Variants in ADAMTS3 observed in about 807,000 individuals in gnomAD.
ADAMTS3 encodes A disintegrin and metalloproteinase with thrombospondin motifs 3.
Under a neutral mutation model 129.0 loss-of-function variants are expected in ADAMTS3, and 73 were observed. That is an observed-to-expected ratio of 0.57 (90% CI 0.47 to 0.69). The LOEUF (loss-of-function observed/expected upper bound fraction) is 0.69. ADAMTS3 is among the 30% of genes least tolerant of loss of function. The pLI is 0.00. For missense variants in ADAMTS3, 1,457 were observed against 1,514.5 expected, an observed-to-expected ratio of 0.96 and a Z score of 0.63; for synonymous variants, 477 against 510.8, an observed-to-expected ratio of 0.93 and a Z score of 0.89.
intron 3 of ADAMTS3, among the ~76,000 whole-genome samples, chr4:72,543,766 T>C (rs911283138): frequency 6.6e-6 from 1 of 152,082 alleles, no homozygotes; most frequent in East Asian, 1.9e-4. Flanking sequence ...TTTTGCAAAA[T>C]GAAAAGAATT....
chr4:72,316,023 C>G (rs1418256383), intron 10 of ADAMTS3, 52 bp from the exon 11 acceptor site: 1 of 1,111,800 alleles, frequency 9.0e-7, no homozygotes, highest in Admixed American at 2.0e-5. Context: ...GCATGACATG[C>G]ACCAAAAATA....
intron 4 of ADAMTS3, among the ~76,000 whole-genome samples, chr4:72,402,377 T>C (rs534285727): frequency 3.3e-5 from 5 of 152,342 alleles, no homozygotes; most frequent in African/African-American, 1.2e-4. Flanking sequence ...GAGCATATAC[T>C]GAGCATCTGA....
At chr4:72,326,486 C>G (rs1719702380) in intron 5 of ADAMTS3, among the ~76,000 whole-genome samples, 1 of 151,826 alleles carries the variant, frequency 6.6e-6, no homozygotes, top group Admixed American at 6.6e-5. Context: ...TATTCAAAAC[C>G]CTGGGTTCTG....
intron 12 of ADAMTS3, 99 bp downstream of exon 12, chr4:72,313,578 T>C (rs1192674543): frequency 2.4e-6 from 3 of 1,276,412 alleles, no homozygotes; most frequent in African/African-American, 3.0e-5. Context: ...TCCTGCCCTG[T>C]GTTTTACATG....
chr4:72,312,725 G>GA (rs531592348), intron 12 of ADAMTS3, among the ~76,000 whole-genome samples: 147 of 150,442 alleles, frequency 9.8e-4, no homozygotes, highest in Non-Finnish European at 1.7e-3. Context: ...AAGTGTGTAA[G>GA]AAAAAAAAAG....
intron 2 of ADAMTS3, among the ~76,000 whole-genome samples, chr4:72,554,937 T>C (rs1168991178): frequency 6.6e-6 from 1 of 151,854 alleles, no homozygotes; most frequent in Non-Finnish European, 1.5e-5. Context: ...ATTGACTTCA[T>C]AGGCTTGTTG....
At chr4:72,514,086 T>TTCTC (rs147075811) in intron 3 of ADAMTS3, among the ~76,000 whole-genome samples, 12 of 151,010 alleles carry the variant, frequency 7.9e-5, no homozygotes, top group African/African-American at 2.7e-4. Flanking sequence ...CCCCCTCTCC[T>TTCTC]TCTCTCTCTC....
At position 72,496,030 on chromosome 4, in the gene ADAMTS3, G is replaced by C. The variant is rs561607672; in HGVS notation, c.504+52448C>G. Among the ~76,000 whole-genome samples, 34 of 152,218 alleles carry C rather than the reference G, an allele frequency of 2.2e-4. No individual in the cohort carries two copies. The South Asian group carries it at 6.6e-3, about 30-fold the overall frequency. The stretch of plus-strand genomic sequence containing the variant: ...TATCAAAAATGACTATAATGGGAGA[G>C]CTTTTTTATTTTTTCCATTTAATCT... On this transcript the variant is annotated intron_variant, in intron 3 of 21. Coordinates refer to ENST00000286657, the MANE Select transcript of ADAMTS3 (RefSeq NM_014243.3).
intron 3 of ADAMTS3, among the ~76,000 whole-genome samples, chr4:72,417,975 A>G (rs1326335460): frequency 6.6e-6 from 1 of 150,804 alleles, no homozygotes; most frequent in East Asian, 1.9e-4. Context: ...ACTGTACTAA[A>G]TATACTAATA....
At chr4:72,285,370 T>C (rs760475348) in intron 21 of ADAMTS3, among the ~76,000 whole-genome samples, 3 of 152,108 alleles carry the variant, frequency 2.0e-5, no homozygotes, top group Non-Finnish European at 4.4e-5. Flanking sequence ...TATTTTCTCA[T>C]GTGTGAATTT....
chr4:72,401,694 C>A (rs1721927329), intron 4 of ADAMTS3, among the ~76,000 whole-genome samples: 1 of 150,308 alleles, frequency 6.7e-6, no homozygotes, highest in Non-Finnish European at 1.5e-5. Flanking sequence ...ATTATAAAAC[C>A]ATCACAAAGG....
intron 12 of ADAMTS3, among the ~76,000 whole-genome samples, chr4:72,313,415 T>C (rs745440757): frequency 2.0e-5 from 3 of 152,200 alleles, no homozygotes; most frequent in Non-Finnish European, 4.4e-5. Flanking sequence ...CCTACTTTCC[T>C]TGTTCAGCTT....
chr4:72,332,617 A>C (rs935781052), intron 5 of ADAMTS3, among the ~76,000 whole-genome samples: 1 of 152,214 alleles, frequency 6.6e-6, no homozygotes, highest in Non-Finnish European at 1.5e-5. Context: ...AAAAATGTTA[A>C]GGCACATTAG....
At chr4:72,286,187 G>A (rs528469588) in intron 21 of ADAMTS3, among the ~76,000 whole-genome samples, 222 of 152,254 alleles carry the variant, frequency 1.5e-3, no homozygotes, top group African/African-American at 5.0e-3. Context: ...TAACCATTGG[G>A]CACGTCTGTA....
At chr4:72,461,029 A>G (rs1718755115) in intron 3 of ADAMTS3, among the ~76,000 whole-genome samples, 4 of 151,666 alleles carry the variant, frequency 2.6e-5, no homozygotes, top group Admixed American at 2.6e-4. Context: ...AAGTTTAACA[A>G]ACATAAACTG....
intron 4 of ADAMTS3, among the ~76,000 whole-genome samples, chr4:72,385,621 A>T (rs1306617560): frequency 6.6e-6 from 1 of 152,148 alleles, no homozygotes; most frequent in Non-Finnish European, 1.5e-5. Context: ...AAATATGTGG[A>T]AAAAGAGATA....
At chr4:72,415,235 T>C (rs987951938) in intron 3 of ADAMTS3, among the ~76,000 whole-genome samples, 7 of 152,062 alleles carry the variant, frequency 4.6e-5, no homozygotes, top group Non-Finnish European at 8.8e-5. Context: ...AGGGAAATCA[T>C]ACAATGTATA....
chr4:72,431,541 A>C (rs1722698395), intron 3 of ADAMTS3, among the ~76,000 whole-genome samples: 1 of 152,028 alleles, frequency 6.6e-6, no homozygotes, highest in Non-Finnish European at 1.5e-5. Flanking sequence ...GCACAAAATT[A>C]TTTTATAATA....
intron 3 of ADAMTS3, among the ~76,000 whole-genome samples, chr4:72,444,421 C>T (rs1294908451): frequency 6.6e-6 from 1 of 151,650 alleles, no homozygotes; most frequent in African/African-American, 2.4e-5. Context: ...TACTCTTTTC[C>T]AATTTAAGTC....
Sources: gnomAD v4.1 joint callset for allele counts (sites outside exome capture counted in the v4.1 genomes callset) on GRCh38, gnomAD v4.1.1 for gene constraint, MANE v1.5 for transcripts, NCBI Gene and HGNC (gene_info 2026-07-23, HGNC 2026-07-21) for gene names.